The following PROC variants were observed in gnomAD, a reference collection of about 807,000 sequenced individuals.
PROC encodes protein C, inactivator of coagulation factors Va and VIIIa.
A neutral mutation model predicts 36.3 loss-of-function variants in PROC; 22 were observed. The ratio of observed to expected loss-of-function variants is 0.61; its 90% confidence interval spans 0.43 to 0.86. The LOEUF (loss-of-function observed/expected upper bound fraction) is 0.86, where lower values mean the gene tolerates loss of function less well. PROC is among the 40% of genes least tolerant of loss of function. The pLI is 0.00. For missense variants in PROC, 526 were observed against 629.7 expected, an observed-to-expected ratio of 0.84 and a Z score of 1.76; for synonymous variants, 218 against 244.5, an observed-to-expected ratio of 0.89 and a Z score of 1.01.
In PROC at chr2:127,429,171, G is replaced by T; in HGVS notation, c.*225G>T. ...GTGGGGAGGAGCAGATCCAAGTTTTGCGGGGTCTAAAGCTGTGTGTGTTGA... is the reference window on the plus strand; with the variant it reads ...GTGGGGAGGAGCAGATCCAAGTTTTTCGGGGTCTAAAGCTGTGTGTGTTGA... On this transcript the variant is annotated 3_prime_UTR_variant, in exon 9 of 9. Coordinates refer to ENST00000234071, the MANE Select transcript of PROC (RefSeq NM_000312.4). The T allele has an allele frequency of 1.7e-6, 1 of 593,934 alleles. No homozygotes were observed. Among genetic ancestry groups the T allele is most frequent in the East Asian group, 2.9e-5 (1 of 34,822 alleles). 36.8% of individuals were successfully genotyped at this position (593,934 alleles called of 1,614,324 possible).
At chr2:127,425,493 C>T (rs537512863) in intron 6 of PROC, among the ~76,000 whole-genome samples, 7 of 152,308 alleles carry the variant, frequency 4.6e-5, no homozygotes, top group African/African-American at 1.7e-4. Flanking sequence ...CATGCCATGC[C>T]TATTGTAGGA....
At position 127,429,183 on chromosome 2, in the gene PROC, G is replaced by C. The variant is rs2104985832; in HGVS notation, c.*237G>C. On this transcript the variant is annotated 3_prime_UTR_variant, in exon 9 of 9. Transcript: ENST00000234071. ...AGATCCAAGTTTTGCGGGGTCTAAAGCTGTGTGTGTTGAGGGGGATACTCT... is the reference window on the plus strand; with the variant it reads ...AGATCCAAGTTTTGCGGGGTCTAAACCTGTGTGTGTTGAGGGGGATACTCT... 8.7e-6 allele frequency: 5 copies of C among 572,132 alleles called. No homozygotes were observed. In the Admixed American group the frequency reaches 1.5e-4, roughly 18 times the overall value. 35.4% of individuals were successfully genotyped at this position (572,132 alleles called of 1,614,324 possible). A position where few individuals can be genotyped will look rare whatever the true frequency, so the allele number is the denominator to read the frequency against.
At position 127,427,713 on chromosome 2, in the gene PROC, A is replaced by AG. The variant is rs575753756; in HGVS notation, c.796+498dup. On this transcript the variant is annotated intron_variant, in intron 8 of 8. Transcript: ENST00000234071. ...GGCCCCGATCTATGGCAATTTCTGG[A>AG]GGGGGGGTCTGGCTCAACTCTTTAT... is the stretch of plus-strand genomic sequence containing the variant. 1.0e-3 allele frequency among the ~76,000 whole-genome samples: 156 copies of AG among 152,280 alleles called. 1 individual carries two copies. Among genetic ancestry groups the AG allele is most frequent in the African/African-American group, 3.5e-3 (144 of 41,562 alleles).
chr2:127,422,898 C>A lies in PROC; in HGVS notation c.238-19C>A. ...GCACACCGGCTGCAGGAGCCTGACG[C>A]TGCCCGCTCTCTCCGCAGCTGGCCT... is the stretch of plus-strand genomic sequence containing the variant. On this transcript the variant is annotated intron_variant, in intron 3 of 8. Coordinates refer to ENST00000234071, the MANE Select transcript of PROC (RefSeq NM_000312.4). The A allele has an allele frequency of 6.4e-7, 1 of 1,555,672 alleles. No homozygotes were observed. Among genetic ancestry groups the A allele is most frequent in the Non-Finnish European group, 8.7e-7 (1 of 1,150,490 alleles).
intron 1 of PROC, chr2:127,419,721 G>C: frequency 1.6e-6 from 2 of 1,243,074 alleles, no homozygotes; most frequent in Non-Finnish European, 2.2e-6. Flanking sequence ...TTCTAGGCAG[G>C]CAGTGTGAGC....
In PROC at chr2:127,423,340, G is replaced by A. The variant is rs1688251240; in HGVS notation, c.467G>A (p.Gly156Asp). ...ACGCATTACTGCCTAGAGGAGGTGG[G>A]CTGGCGGCGCTGTAGCTGTGCGCCT... ...GCTHYCLEEV[G>D]WRRCSCAPGY... Residue 156 changes from glycine (G) to aspartate (D), a missense_variant, in exon 6 of 9, where the codon GGC (glycine) becomes GAC (aspartate). Transcript: ENST00000234071. 1.3e-6 allele frequency: 2 copies of A among 1,550,286 alleles called. No individual in the cohort carries two copies. The highest frequency in any genetic ancestry group is 1.7e-6 in the Non-Finnish European group (2 of 1,147,116).
Position 127,428,495 on chromosome 2 carries a change from C to A in PROC, c.935C>A (p.Ser312Ter). The A allele has an allele frequency of 6.2e-7, 1 of 1,614,154 alleles. No individual in the cohort carries two copies. Among genetic ancestry groups the A allele is most frequent in the East Asian group, 2.2e-5 (1 of 44,882 alleles). ...LLHLAQPATL[S>*]QTIVPICLPD... ...CACCTGGCCCAGCCCGCCACCCTCT[C>A]GCAGACCATAGTGCCCATCTGCCTC... The change falls in exon 9 of 9, where the codon TCG becomes TAG. Residue 312 changes from serine (S) to a stop codon, truncating the protein, a stop_gained. Transcript: ENST00000234071. LOFTEE classifies it low-confidence loss of function (END_TRUNC).
intron 8 of PROC, among the ~76,000 whole-genome samples, chr2:127,427,680 T>C (rs1378484351): frequency 6.6e-6 from 1 of 152,190 alleles, no homozygotes. Context: ...TGGGGGCACC[T>C]ATGCATTGGC....
At chr2:127,421,652 G>A (rs1306228322) in intron 3 of PROC, among the ~76,000 whole-genome samples, 6 of 152,128 alleles carry the variant, frequency 3.9e-5, no homozygotes, top group African/African-American at 1.4e-4. Context: ...GAAGCTCCAG[G>A]AAAGAGTGTG....
intron 2 of PROC, among the ~76,000 whole-genome samples, chr2:127,420,704 G>C (rs903599459): frequency 2.0e-5 from 3 of 152,056 alleles, no homozygotes; most frequent in Non-Finnish European, 2.9e-5. Context: ...CAGAGCCCAG[G>C]AGACACCTGG....
intron 3 of PROC, 67 bp from the exon 4 acceptor site, chr2:127,422,850 C>A (rs1688189706): frequency 1.3e-6 from 2 of 1,540,786 alleles, no homozygotes; most frequent in Admixed American, 2.0e-5. Flanking sequence ...CGCTGCCCTG[C>A]CCCACCCGGG....
Position 127,423,345 on chromosome 2 carries a change from C to T in PROC, c.472C>T (p.Arg158Trp), listed in dbSNP as rs2104954798. The T allele has an allele frequency of 6.5e-7, 1 of 1,550,204 alleles. No individual in the cohort carries two copies. The highest frequency in any genetic ancestry group is 8.7e-7 in the Non-Finnish European group (1 of 1,147,068). The change falls in exon 6 of 9, where the codon CGG (arginine) becomes TGG (tryptophan). Residue 158 changes from arginine to tryptophan, a missense_variant. Physicochemically the swap from Arg to Trp is moderately radical, Grantham distance 101 (BLOSUM62 -3). Coordinates refer to ENST00000234071, the MANE Select transcript of PROC (RefSeq NM_000312.4). ...THYCLEEVGW[R>W]RCSCAPGYKL... is the part of the protein sequence containing the mutation. The stretch of plus-strand genomic sequence containing the variant: ...TTACTGCCTAGAGGAGGTGGGCTGG[C>T]GGCGCTGTAGCTGTGCGCCTGGCTA...
At chr2:127,420,348 G>A (rs144957984) in intron 2 of PROC, among the ~76,000 whole-genome samples, 6 of 152,162 alleles carry the variant, frequency 3.9e-5, no homozygotes, top group East Asian at 1.9e-4. Flanking sequence ...CCAGGCTACC[G>A]TCCACACTAT....
rs1688719290 is a variant in PROC at position 127,429,006 on chromosome 2, G to T, written c.*60G>T. The T allele has an allele frequency of 6.3e-7, 1 of 1,574,948 alleles. No individual in the cohort carries two copies. Among genetic ancestry groups the T allele is most frequent in the South Asian group, 1.1e-5 (1 of 90,112 alleles). On this transcript the variant is annotated 3_prime_UTR_variant, in exon 9 of 9. Coordinates refer to ENST00000234071, the MANE Select transcript of PROC (RefSeq NM_000312.4). ...AATGGATGGGACATTAAAGGGACAT[G>T]TAACAAGCACACCGGCCTGCTGTTC...
chr2:127,419,243 C>G (rs1284060351), intron 1 of PROC, among the ~76,000 whole-genome samples: 6 of 152,158 alleles, frequency 3.9e-5, no homozygotes, highest in African/African-American at 1.2e-4. Flanking sequence ...CAGTTTCCCC[C>G]TCTATGAAAT....
chr2:127,423,460 C>T (rs1174632659), intron 6 of PROC, 52 bp downstream of exon 6: 1 of 1,531,364 alleles, frequency 6.5e-7, no homozygotes, highest in Middle Eastern at 1.7e-4. Context: ...GCAGGGTGGG[C>T]AGGCCCCCTG....
At position 127,428,847 on chromosome 2, in the gene PROC, T is replaced by C; in HGVS notation, c.1287T>C (p.Leu429=). The C allele has an allele frequency of 1.2e-6, 2 of 1,612,950 alleles. No individual in the cohort carries two copies. Residue 429 remains leucine (L), a synonymous_variant, in exon 9 of 9, where the codon CTT becomes CTC. Transcript: ENST00000234071. ...GCTGGGGTGAGGGCTGTGGGCTCCTTCACAACTACGGCGTTTACACCAAAG... is the reference window on the plus strand; with the variant it reads ...GCTGGGGTGAGGGCTGTGGGCTCCTCCACAACTACGGCGTTTACACCAAAG... The part of the protein sequence containing the change: ...LVSWGEGCGL[L]HNYGVYTKVS...
chr2:127,421,073 C>G (rs1688062842), intron 2 of PROC, among the ~76,000 whole-genome samples: 1 of 152,164 alleles, frequency 6.6e-6, no homozygotes, highest in Non-Finnish European at 1.5e-5. Context: ...CAGAGCAAGG[C>G]TTCGTCCTCC....
chr2:127,420,440 C>T (rs746556840), intron 2 of PROC, among the ~76,000 whole-genome samples: 5 of 152,170 alleles, frequency 3.3e-5, no homozygotes, highest in Admixed American at 6.5e-5. Context: ...CCACAGCCAA[C>T]GGGAGGAGGC....
Sources: gnomAD v4.1 joint callset for allele counts (sites outside exome capture counted in the v4.1 genomes callset) on GRCh38, gnomAD v4.1.1 for gene constraint, MANE v1.5 for transcripts, NCBI Gene and HGNC (gene_info 2026-07-23, HGNC 2026-07-21) for gene names.